STAT1: variants seen among roughly 807,000 people sequenced by gnomAD.
The protein encoded by STAT1 is signal transducer and activator of transcription 1.
In STAT1, 24 loss-of-function variants were observed where a neutral mutation model predicts 111.7. The observed-to-expected ratio is 0.21, with a 90% CI of 0.16 to 0.30. The LOEUF is 0.30. STAT1 is among the 10% of genes least tolerant of loss of function. The pLI, the probability that STAT1 is intolerant of heterozygous loss-of-function variation, is 1.00. For synonymous variants in STAT1, 332 were observed against 326.5 expected, an observed-to-expected ratio of 1.02 and a Z score of -0.18; for missense variants, 351 against 911.9, an observed-to-expected ratio of 0.38 and a Z score of 7.92.
At chr2:191,002,951 C>T (rs1443291407) in intron 5 of STAT1, among the ~76,000 whole-genome samples, 3 of 152,100 alleles carry the variant, frequency 2.0e-5, no homozygotes, top group African/African-American at 7.2e-5. Context: ...TAATAGGTTG[C>T]CCAGTCATGG....
chr2:190,997,627 T>C lies in STAT1; in HGVS notation c.785+229A>G, dbSNP rs544812478. ...TTTTGTACAGTCAAACGACACCCCA[T>C]GGTACAGGAGTGCTCCAAACCAAGC... On this transcript the variant is annotated intron_variant, in intron 9 of 24. Transcript: ENST00000361099. This position sits in a 1 kb window ranked among gnomAD's most constrained non-coding sequence, Gnocchi z 7.3. Among the ~76,000 whole-genome samples the C allele has an allele frequency of 6.6e-6, 1 of 152,280 alleles. No individual in the cohort carries two copies. Among genetic ancestry groups the C allele is most frequent in the African/African-American group, 2.4e-5 (1 of 41,564 alleles).
At chr2:191,011,883 T>G (rs1695148637) in intron 2 of STAT1, among the ~76,000 whole-genome samples, 1 of 152,006 alleles carries the variant, frequency 6.6e-6, no homozygotes, top group African/African-American at 2.4e-5. Context: ...GAGAACAGAC[T>G]AATACAATAA....
intron 10 of STAT1, among the ~76,000 whole-genome samples, chr2:190,991,695 C>CA (rs201757771): frequency 5.4e-4 from 78 of 145,350 alleles, no homozygotes; most frequent in Admixed American, 1.4e-3. Flanking sequence ...CGTATCTTTA[C>CA]AATTTGTTTT....
At position 190,997,867 on chromosome 2, in the gene STAT1, C is replaced by T; in HGVS notation, c.774G>A (p.Gln258=). The change falls in exon 9 of 25, where the codon CAG becomes CAA. Residue 258 remains glutamine (Q), a synonymous_variant. Coordinates refer to ENST00000361099, the MANE Select transcript of STAT1 (RefSeq NM_007315.4). The surrounding 1 kb of genome is among the most constrained non-coding windows in gnomAD (Gnocchi z 7.3). ...IGGPPNACLD[Q]LQNWFTIVAE... ...TTGGAGAATCTTACCAGTTCTGCAGCTGATCCAAGCAAGCATTGGGCGGCC... is the reference window on the plus strand; with the variant it reads ...TTGGAGAATCTTACCAGTTCTGCAGTTGATCCAAGCAAGCATTGGGCGGCC... 6.2e-7 allele frequency: 1 copy of T among 1,614,224 alleles called. No homozygotes were observed.
intron 12 of STAT1, among the ~76,000 whole-genome samples, chr2:190,988,205 C>T (rs1013817022): frequency 6.6e-6 from 1 of 152,194 alleles, no homozygotes; most frequent in Admixed American, 6.5e-5. Flanking sequence ...GGGAAAAGCC[C>T]AGGCTAGCCT....
chr2:191,004,386 G>C lies in STAT1; in HGVS notation c.372+3177C>G, dbSNP rs1355353282. 6.6e-6 allele frequency among the ~76,000 whole-genome samples: 1 copy of C among 152,156 alleles called. No individual in the cohort carries two copies. The highest frequency in any genetic ancestry group is 2.4e-5 in the African/African-American group (1 of 41,414). On this transcript the variant is annotated intron_variant, in intron 5 of 24. Coordinates refer to ENST00000361099, the MANE Select transcript of STAT1 (RefSeq NM_007315.4). The surrounding 1 kb of genome is among the most constrained non-coding windows in gnomAD (Gnocchi z 5.0). The stretch of plus-strand genomic sequence containing the variant: ...TTTGGATGGGAACTTGGTTACTCCA[G>C]ACCCCAGAGCAAAGAAAAGTCTTCT...
At position 190,983,693 on chromosome 2, in the gene STAT1, C is replaced by A; in HGVS notation, c.1395G>T (p.Pro465=). The A allele has an allele frequency of 6.2e-7, 1 of 1,614,096 alleles. No individual in the cohort carries two copies. The highest frequency in any genetic ancestry group is 1.1e-5 in the South Asian group (1 of 91,072). Residue 465 remains proline (P), a synonymous_variant, in exon 17 of 25, where the codon CCG becomes CCT. Coordinates refer to ENST00000361099, the MANE Select transcript of STAT1 (RefSeq NM_007315.4). This position sits in a 1 kb window ranked among gnomAD's most constrained non-coding sequence, Gnocchi z 5.7. ...ACCAAAGGATGGAGGCCCAACCGCT[C>A]GGGAGCTGGCTGACGTTGGAGATCA... is the stretch of plus-strand genomic sequence containing the variant. ...VVVISNVSQL[P]SGWASILWYN... is the part of the protein sequence containing the mutation.
rs2066801 is a variant in STAT1, at chr2:191,001,051, G to T, written c.462+23C>A. The T allele has an allele frequency of 2.5e-3, 3,898 of 1,558,914 alleles. 99 individuals are homozygous for T. The African/African-American group carries it at 0.045, about 18-fold the overall frequency. ...CCCTACAGAAAGTTTCAGAATAAATGCATGTGTTTACTCAATACTCACCAT... is the reference window on the plus strand; with the variant it reads ...CCCTACAGAAAGTTTCAGAATAAATTCATGTGTTTACTCAATACTCACCAT... On this transcript the variant is annotated intron_variant, in intron 6 of 24. Transcript: ENST00000361099.
chr2:190,990,307 C>T lies in STAT1; in HGVS notation c.1038-633G>A, dbSNP rs1346865520. 6.6e-6 allele frequency among the ~76,000 whole-genome samples: 1 copy of T among 152,120 alleles called. No individual in the cohort carries two copies. Among genetic ancestry groups the T allele is most frequent in the Non-Finnish European group, 1.5e-5 (1 of 68,016 alleles). ...CCAGCTGCTGAGTTCTAAAATTCCA[C>T]GAGGGCTTCAGTGTGACATTGTACC... On this transcript the variant is annotated intron_variant, in intron 11 of 24. Coordinates refer to ENST00000361099, the MANE Select transcript of STAT1 (RefSeq NM_007315.4). The surrounding 1 kb of genome is among the most constrained non-coding windows in gnomAD (Gnocchi z 5.1).
At chr2:191,002,780 G>A (rs565409585) in intron 5 of STAT1, among the ~76,000 whole-genome samples, 1 of 152,050 alleles carries the variant, frequency 6.6e-6, no homozygotes, top group African/African-American at 2.4e-5. Context: ...CTAGAATGGA[G>A]ATATATATAT....
At position 190,979,004 on chromosome 2, in the gene STAT1, G is replaced by A; in HGVS notation, c.1728-3C>T. 6.2e-7 allele frequency: 1 copy of A among 1,614,098 alleles called. No homozygotes were observed. Among genetic ancestry groups the A allele is most frequent in the Non-Finnish European group, 8.5e-7 (1 of 1,180,014 alleles). Reference sequence around the variant, plus strand: ...TGCTGATGAAGCCCATGATGCACCTGGATATCGAAGAGATGGACGGATGGG... The same window carrying A: ...TGCTGATGAAGCCCATGATGCACCTAGATATCGAAGAGATGGACGGATGGG... On this transcript the variant is annotated splice_region_variant and splice_polypyrimidine_tract_variant and intron_variant, in intron 20 of 24. Transcript: ENST00000361099. This position sits in a 1 kb window ranked among gnomAD's most constrained non-coding sequence, Gnocchi z 5.8.
rs1159532749 is a variant in STAT1, at chr2:190,990,752, C to A, written c.1037+476G>T. On this transcript the variant is annotated intron_variant, in intron 11 of 24. Coordinates refer to ENST00000361099, the MANE Select transcript of STAT1 (RefSeq NM_007315.4). The surrounding 1 kb of genome is among the most constrained non-coding windows in gnomAD (Gnocchi z 5.1). ...AATCCTGGGAGGACAGACACTAGGC[C>A]ATTTACTGTGGTGGTCCACAGATAT... Among the ~76,000 whole-genome samples, 1 of 152,118 alleles carries A rather than the reference C, an allele frequency of 6.6e-6. No individual in the cohort carries two copies. The highest frequency in any genetic ancestry group is 2.4e-5 in the African/African-American group (1 of 41,412).
At chr2:191,013,120 T>C (rs948743788) in intron 2 of STAT1, among the ~76,000 whole-genome samples, 12 of 152,228 alleles carry the variant, frequency 7.9e-5, no homozygotes, top group African/African-American at 2.9e-4. Context: ...AAACAGTTTG[T>C]TGAATTGAAA....
chr2:190,983,442 G>A lies in STAT1; in HGVS notation c.1446+200C>T, dbSNP rs1228982594. On this transcript the variant is annotated intron_variant, in intron 17 of 24. Coordinates refer to ENST00000361099, the MANE Select transcript of STAT1 (RefSeq NM_007315.4). This position sits in a 1 kb window ranked among gnomAD's most constrained non-coding sequence, Gnocchi z 5.7. ...ACTGACTGCCCTAGCTTACCCACAT[G>A]GGAGAAAAAACGTAATTCTCATTTC... 6.6e-6 allele frequency among the ~76,000 whole-genome samples: 1 copy of A among 152,092 alleles called. No individual in the cohort carries two copies. Among genetic ancestry groups the A allele is most frequent in the Non-Finnish European group, 1.5e-5 (1 of 68,008 alleles).
chr2:191,000,270 C>A lies in STAT1; in HGVS notation c.463-566G>T, dbSNP rs1694170196. ...TGGTCACATTTCCACATATTCTTCT[C>A]TGGATTTCCATGGCTATTTCTGGAC... On this transcript the variant is annotated intron_variant, in intron 6 of 24. Transcript: ENST00000361099. This position sits in a 1 kb window ranked among gnomAD's most constrained non-coding sequence, Gnocchi z 4.8. Among the ~76,000 whole-genome samples, 1 of 152,228 alleles carries A rather than the reference C, an allele frequency of 6.6e-6. No homozygotes were observed. Among genetic ancestry groups the A allele is most frequent in the Non-Finnish European group, 1.5e-5 (1 of 68,052 alleles).
At chr2:190,988,708 A>T (rs1310201058) in intron 12 of STAT1, among the ~76,000 whole-genome samples, 1 of 152,202 alleles carries the variant, frequency 6.6e-6, no homozygotes, top group Non-Finnish European at 1.5e-5. Flanking sequence ...GTGGTTTGTT[A>T]GGAAGCAAAA....
rs760467014 is a variant in STAT1, at chr2:190,998,018, T to A, written c.634-11A>T. The A allele has an allele frequency of 6.2e-7, 1 of 1,613,960 alleles. No individual in the cohort carries two copies. The highest frequency in any genetic ancestry group is 8.5e-7 in the Non-Finnish European group (1 of 1,179,874). ...TTTGTGAACTACTTCCTAAAGGCAA[T>A]AGAAGAAACAAAGTGAAATAAATTC... On this transcript the variant is annotated splice_polypyrimidine_tract_variant and intron_variant, in intron 8 of 24. Coordinates refer to ENST00000361099, the MANE Select transcript of STAT1 (RefSeq NM_007315.4). The surrounding 1 kb of genome is among the most constrained non-coding windows in gnomAD (Gnocchi z 4.1).
In STAT1 at chr2:191,007,487, T is replaced by C; in HGVS notation, c.372+76A>G. On this transcript the variant is annotated intron_variant, in intron 5 of 24. Transcript: ENST00000361099. This position sits in a 1 kb window ranked among gnomAD's most constrained non-coding sequence, Gnocchi z 4.2. ...AGAGATATTCATCATTGCTTTGACA[T>C]GGGCCCTAATAGTATTTGATGAATG... The C allele has an allele frequency of 9.4e-7, 1 of 1,067,910 alleles. No homozygotes were observed. Among genetic ancestry groups the C allele is most frequent in the Non-Finnish European group, 1.4e-6 (1 of 694,594 alleles). 66.2% of individuals were successfully genotyped at this position (1,067,910 alleles called of 1,614,324 possible).
chr2:191,011,482 G>C (rs1275027034), intron 2 of STAT1, among the ~76,000 whole-genome samples: 1 of 152,162 alleles, frequency 6.6e-6, no homozygotes, highest in East Asian at 1.9e-4. Flanking sequence ...AGTGGCAGTG[G>C]AGCGCAGTTC....
Sources: allele counts gnomAD v4.1 joint callset (sites outside exome capture counted in the v4.1 genomes callset), GRCh38; gene constraint gnomAD v4.1.1; non-coding constraint Gnocchi (gnomAD v3.1); transcripts MANE v1.5; gene names NCBI Gene and HGNC (gene_info 2026-07-23, HGNC 2026-07-21).